The following CCM2L variants were observed in gnomAD, a reference collection of about 807,000 sequenced individuals.
CCM2L encodes the protein CCM2 like scaffold protein, also known as cerebral cavernous malformations 2 protein-like.
A neutral mutation model predicts 54.1 loss-of-function variants in CCM2L; 36 were observed. The ratio of observed to expected loss-of-function variants is 0.67; its 90% CI spans 0.51 to 0.88. The LOEUF (loss-of-function observed/expected upper bound fraction) is 0.88, where lower values mean the gene tolerates loss of function less well. CCM2L is among the 40% of genes least tolerant of loss of function. The pLI, the probability that CCM2L is intolerant of heterozygous loss-of-function variation, is 0.00. For missense variants in CCM2L, 700 were observed against 812.1 expected (o/e 0.86, Z 1.68); for synonymous variants, 351 against 359.3 (o/e 0.98, Z 0.26).
At chr20:32,021,644 CA>C (rs879560406) in intron 5 of CCM2L, among the ~76,000 whole-genome samples, 35 of 145,752 alleles carry the variant, frequency 2.4e-4, no homozygotes, top group East Asian at 4.0e-4. Context: ...GACTCTATCT[CA>C]AAAAAAAAAA....
chr20:32,018,797 G>C, intron 4 of CCM2L, 146 bp from the exon 5 acceptor site: 1 of 1,049,756 alleles, frequency 9.5e-7, no homozygotes, highest in East Asian at 3.5e-5. Flanking sequence ...GGAGTGGGCG[G>C]GGAACCGCCG....
At chr20:32,015,598 A>ATG (rs369188417) in intron 2 of CCM2L, among the ~76,000 whole-genome samples, 6 of 152,148 alleles carry the variant, frequency 3.9e-5, no homozygotes, top group Non-Finnish European at 2.9e-5. Flanking sequence ...TTGCAGGAAT[A>ATG]TGTGTGTGTG....
chr20:32,014,973 G>T lies in CCM2L; in HGVS notation c.100G>T (p.Val34Leu). ...GCGCCGGGCAGCCTGTAGGAGCAGC[G>T]TGAGCCGCCGGCCCCTGCACTCGAT... Reference protein sequence around the residue: ...AGRRAACRSSVSRRPLHSMPL... With the variant: ...AGRRAACRSSLSRRPLHSMPL... The change falls in exon 2 of 10, where the codon GTG becomes TTG. Residue 34 changes from valine (V) to leucine (L), a missense_variant. By Grantham distance (32) the Val-to-Leu change is conservative (BLOSUM62 1). Transcript: ENST00000452892. The T allele has an allele frequency of 6.3e-7, 1 of 1,596,118 alleles. No individual in the cohort carries two copies. Among genetic ancestry groups the T allele is most frequent in the Non-Finnish European group, 8.5e-7 (1 of 1,171,780 alleles).
Position 32,029,101 on chromosome 20 carries a change from C to G in CCM2L, c.1240C>G (p.Gln414Glu), listed in dbSNP as rs778497359. The part of the protein sequence containing the change: ...GSDHSSLGLE[Q>E]LQDYMVTLRS... ...CGACCACAGCAGTCTGGGCTTGGAG[C>G]AGTTACAGGATTACATGGTCACGGT... The change falls in exon 8 of 10, where the codon CAG becomes GAG. Residue 414 changes from glutamine to glutamate, a missense_variant. Transcript: ENST00000452892. The G allele has an allele frequency of 6.2e-7, 1 of 1,614,192 alleles. No individual in the cohort carries two copies. Among genetic ancestry groups the G allele is most frequent in the Admixed American group, 1.7e-5 (1 of 60,030 alleles).
chr20:32,017,396 A>C (rs2064749385), intron 2 of CCM2L, among the ~76,000 whole-genome samples: 1 of 152,216 alleles, frequency 6.6e-6, no homozygotes, highest in Admixed American at 6.5e-5. Flanking sequence ...ACAGGTGGTC[A>C]GTTCTTTCAA....
chr20:32,013,204 C>T (rs773310135), intron 1 of CCM2L, among the ~76,000 whole-genome samples: 1 of 152,170 alleles, frequency 6.6e-6, no homozygotes, highest in South Asian at 2.1e-4. Flanking sequence ...AAGGCTGAGG[C>T]AGAGGGATCG....
intron 5 of CCM2L, among the ~76,000 whole-genome samples, chr20:32,021,992 A>T (rs530725476): frequency 6.6e-6 from 1 of 152,308 alleles, no homozygotes; most frequent in East Asian, 1.9e-4. Flanking sequence ...TTTTACAGAC[A>T]CAACATAGAG....
intron 1 of CCM2L, among the ~76,000 whole-genome samples, chr20:32,012,054 T>C (rs1488260247): frequency 6.6e-6 from 1 of 152,000 alleles, no homozygotes; most frequent in African/African-American, 2.4e-5. Flanking sequence ...TCCAGAATTT[T>C]GCACATGCTG....
At chr20:32,026,609 C>T (rs549172745) in intron 7 of CCM2L, among the ~76,000 whole-genome samples, 1 of 152,322 alleles carries the variant, frequency 6.6e-6, no homozygotes, top group East Asian at 1.9e-4. Flanking sequence ...GATGCGGTGG[C>T]TCGCACCTGT....
chr20:32,014,259 A>ATTT (rs1469397735), intron 1 of CCM2L, among the ~76,000 whole-genome samples: 122 of 138,928 alleles, frequency 8.8e-4, no homozygotes, highest in East Asian at 2.4e-3. Context: ...ATATATATAT[A>ATTT]TATTTTTTTT....
At chr20:32,029,652 G>T in intron 8 of CCM2L, 48 bp from the exon 9 acceptor site, 1 of 1,559,424 alleles carries the variant, frequency 6.4e-7, no homozygotes, top group Non-Finnish European at 8.7e-7. Context: ...GCAGGGGTTG[G>T]GTGGCGCTGC....
intron 2 of CCM2L, among the ~76,000 whole-genome samples, chr20:32,015,847 G>A (rs911109797): frequency 1.5e-5 from 2 of 137,252 alleles, no homozygotes; most frequent in Non-Finnish European, 3.1e-5. Flanking sequence ...CCACCACTTA[G>A]GAGCTGTACT....
At chr20:32,023,172 G>A (rs375827966) in intron 6 of CCM2L, among the ~76,000 whole-genome samples, 18 of 151,762 alleles carry the variant, frequency 1.2e-4, no homozygotes, top group Non-Finnish European at 2.2e-4. Flanking sequence ...GGGTTTCACC[G>A]TCTTGACCAG....
At chr20:32,024,887 C>G (rs1430878692) in intron 6 of CCM2L, among the ~76,000 whole-genome samples, 1 of 152,146 alleles carries the variant, frequency 6.6e-6, no homozygotes, top group African/African-American at 2.4e-5. Context: ...ACTGGCCCCA[C>G]CTGGAGGGTA....
At chr20:32,018,898 C>T in intron 4 of CCM2L, 45 bp from the exon 5 acceptor site, 1 of 1,260,706 alleles carries the variant, frequency 7.9e-7, no homozygotes, top group South Asian at 2.6e-5. Context: ...GGGGGGGTCT[C>T]TGAGTCCCGA....
chr20:32,017,732 A>C, intron 2 of CCM2L, 68 bp from the exon 3 acceptor site: 1 of 1,244,508 alleles, frequency 8.0e-7, no homozygotes, highest in South Asian at 1.2e-5. Flanking sequence ...ATCAATGAGA[A>C]GGCCAGGGTT....
At chr20:32,022,972 CT>C (rs113018484) in intron 6 of CCM2L, among the ~76,000 whole-genome samples, 177 bp downstream of exon 6, 1 of 151,840 alleles carries the variant, frequency 6.6e-6, no homozygotes, top group East Asian at 1.9e-4. Flanking sequence ...TTTTTCTTTT[CT>C]TTTTTCTTTT....
Position 32,018,022 on chromosome 20 carries a change from G to A in CCM2L, c.326G>A (p.Ser109Asn). The change falls in exon 4 of 10, where the codon AGC (serine) becomes AAC (asparagine). Residue 109 changes from serine to asparagine, a missense_variant. By Grantham distance (46) the Ser-to-Asn change is conservative. Coordinates refer to ENST00000452892, the MANE Select transcript of CCM2L (RefSeq NM_001365692.1). Reference sequence around the variant, plus strand: ...CTGAAGACCACGGCGGAGCAGGACAGCATCCTGAGCCTGTCTGCCCGCTGC... The same window carrying A: ...CTGAAGACCACGGCGGAGCAGGACAACATCCTGAGCCTGTCTGCCCGCTGC... ...LPLKTTAEQDSILSLSARCLL... is the reference protein window; with the variant it reads ...LPLKTTAEQDNILSLSARCLL... 1.2e-6 allele frequency: 2 copies of A among 1,613,830 alleles called. No individual in the cohort carries two copies. Among genetic ancestry groups the A allele is most frequent in the Non-Finnish European group, 1.7e-6 (2 of 1,180,008 alleles).
intron 5 of CCM2L, among the ~76,000 whole-genome samples, chr20:32,020,843 G>T (rs1327422861): frequency 6.6e-6 from 1 of 152,110 alleles, no homozygotes; most frequent in Non-Finnish European, 1.5e-5. Context: ...AATTAGCCAG[G>T]CATAGCGGCG....
Sources: allele counts gnomAD v4.1 joint callset (sites outside exome capture counted in the v4.1 genomes callset), GRCh38; gene constraint gnomAD v4.1.1; transcripts MANE v1.5; gene names NCBI Gene and HGNC (gene_info 2026-07-23, HGNC 2026-07-21).